Variants in PKD1L1 observed in about 807,000 individuals in gnomAD.
PKD1L1 encodes polycystin 1 like 1, transient receptor potential channel interacting, also known as polycystin-1-like protein 1.
PKD1L1 carries 236 observed loss-of-function variants against 323.4 expected under a neutral mutation model. The observed-to-expected ratio is 0.73, with a 90% confidence interval of 0.66 to 0.81. The LOEUF (loss-of-function observed/expected upper bound fraction) is 0.81, where lower values mean the gene tolerates loss of function less well. Ranked by LOEUF, PKD1L1 falls within the 40% of genes least tolerant of loss-of-function variation. The pLI is 0.00. For missense variants in PKD1L1, 3,320 were observed against 3,508.0 expected (o/e 0.95, Z 1.35); for synonymous variants, 1,344 against 1,335.0 (o/e 1.01, Z -0.15).
rs567096863 is a variant in PKD1L1 at position 47,807,074 on chromosome 7, T to C, written c.7827+1173A>G. Among the ~76,000 whole-genome samples the C allele has an allele frequency of 2.6e-5, 4 of 152,192 alleles. No individual in the cohort carries two copies. The South Asian group carries it at 6.2e-4, about 24-fold the overall frequency. On this transcript the variant is annotated intron_variant, in intron 52 of 56. Transcript: ENST00000289672. ...CTGAGGTGGGGGCACTGGCTCACCA[T>C]GCAGCCCAGGCTTCTGCTGTCCCTG... is the stretch of plus-strand genomic sequence containing the variant.
At chr7:47,905,076 C>T (rs951350204) in intron 11 of PKD1L1, 81 bp downstream of exon 11, 54 of 1,474,936 alleles carry the variant, frequency 3.7e-5, no homozygotes, top group Admixed American at 2.8e-4. Flanking sequence ...AAAATGCCTT[C>T]GGTAGCAGCA....
Position 47,931,999 on chromosome 7 carries a change from C to G in PKD1L1, c.456G>C (p.Arg152Ser). 3.7e-6 allele frequency: 6 copies of G among 1,614,098 alleles called. No homozygotes were observed. Among genetic ancestry groups the G allele is most frequent in the Non-Finnish European group, 5.1e-6 (6 of 1,179,972 alleles). ...TAGCACACAGCCGCCTGTGATGGAACCTGGGGCCACCACTGCTCCAGGCCC... is the reference window on the plus strand; with the variant it reads ...TAGCACACAGCCGCCTGTGATGGAAGCTGGGGCCACCACTGCTCCAGGCCC... ...IARAWSSGGPRFHHRRLCATG... is the reference protein window; with the variant it reads ...IARAWSSGGPSFHHRRLCATG... The change falls in exon 5 of 57, where the codon AGG becomes AGC. Residue 152 changes from arginine to serine, a missense_variant. Transcript: ENST00000289672.
intron 47 of PKD1L1, among the ~76,000 whole-genome samples, chr7:47,815,125 A>T (rs766269886): frequency 1.4e-4 from 22 of 152,172 alleles, no homozygotes; most frequent in Middle Eastern, 3.2e-3. Context: ...CGTGCAGCTC[A>T]GCAGGGTGTA....
chr7:47,932,025 T>C lies in PKD1L1; in HGVS notation c.430A>G (p.Arg144Gly). 6.2e-7 allele frequency: 1 copy of C among 1,612,488 alleles called. No individual in the cohort carries two copies. Among genetic ancestry groups the C allele is most frequent in the East Asian group, 2.2e-5 (1 of 44,790 alleles). The change falls in exon 5 of 57, where the codon AGG becomes GGG. Residue 144 changes from arginine (R) to glycine (G), a missense_variant. By Grantham distance (125) the Arg-to-Gly change is moderately radical. Coordinates refer to ENST00000289672, the MANE Select transcript of PKD1L1 (RefSeq NM_138295.5). ...IPHKPFIIIA[R>G]AWSSGGPRFH... Reference sequence around the variant, plus strand: ...CTGGGGCCACCACTGCTCCAGGCCCTTGCGATTATAATGAAAGGTTTGTGG... The same window carrying C: ...CTGGGGCCACCACTGCTCCAGGCCCCTGCGATTATAATGAAAGGTTTGTGG...
At chr7:47,894,287 T>C (rs1395188959) in intron 14 of PKD1L1, among the ~76,000 whole-genome samples, 1 of 152,198 alleles carries the variant, frequency 6.6e-6, no homozygotes, top group Non-Finnish European at 1.5e-5. Flanking sequence ...CTTGTGTTAA[T>C]GTACAAATTT....
In PKD1L1 at chr7:47,853,377, T is replaced by A. The variant is rs17131855; in HGVS notation, c.4860-150A>T. On this transcript the variant is annotated intron_variant, in intron 30 of 56. Coordinates refer to ENST00000289672, the MANE Select transcript of PKD1L1 (RefSeq NM_138295.5). ...CTGGGACTAAAAAGGGTCAATGTGCTTAATTCCACAACACCACCTGGTCTC... is the reference window on the plus strand; with the variant it reads ...CTGGGACTAAAAAGGGTCAATGTGCATAATTCCACAACACCACCTGGTCTC... The A allele has an allele frequency of 0.13, 82,514 of 622,824 alleles. 7,421 individuals carry two copies. Among genetic ancestry groups the A allele is most frequent in the African/African-American group, 0.35 (19,011 of 54,000 alleles). The allele number at this position is 622,824 out of a possible 1,614,324, so 38.6% of individuals were successfully genotyped here. A position where few individuals can be genotyped will look rare whatever the true frequency, so the allele number is the denominator to read the frequency against.
intron 40 of PKD1L1, 57 bp downstream of exon 40, chr7:47,834,282 C>T: frequency 6.4e-7 from 1 of 1,556,172 alleles, no homozygotes; most frequent in Middle Eastern, 1.7e-4. Context: ...CCAGAGAAAT[C>T]TAATTGTTTG....
At chr7:47,831,033 C>T (rs1294963415) in intron 42 of PKD1L1, among the ~76,000 whole-genome samples, 184 bp downstream of exon 42, 2 of 152,278 alleles carry the variant, frequency 1.3e-5, no homozygotes, top group South Asian at 4.1e-4. Flanking sequence ...GCCAAGCCAC[C>T]CTTTGGGATC....
rs370350558 is a variant in PKD1L1 at position 47,845,087 on chromosome 7, G to A, written c.5154-9C>T. 5.8e-5 allele frequency: 93 copies of A among 1,611,156 alleles called. No individual in the cohort carries two copies. The highest frequency in any genetic ancestry group is 7.6e-5 in the Non-Finnish European group (89 of 1,178,172). ...CCGCGAGGCGATGGTAGCTAGGAGG[G>A]AAATGCGGATGAGGATACAGAATGT... On this transcript the variant is annotated splice_polypyrimidine_tract_variant and intron_variant, in intron 32 of 56. Coordinates refer to ENST00000289672, the MANE Select transcript of PKD1L1 (RefSeq NM_138295.5).
chr7:47,898,929 T>A (rs1048310599), intron 13 of PKD1L1, among the ~76,000 whole-genome samples: 4 of 151,150 alleles, frequency 2.6e-5, no homozygotes, highest in East Asian at 1.9e-4. Context: ...GAGAAAAAAA[T>A]TTTCTTATCA....
intron 26 of PKD1L1, 98 bp downstream of exon 26, chr7:47,865,118 C>T: frequency 2.4e-6 from 2 of 835,002 alleles, no homozygotes; most frequent in East Asian, 5.3e-5. Context: ...ATCTAAGTGT[C>T]AAACTATGAT....
chr7:47,948,270 G>A, intron 1 of PKD1L1, 127 bp downstream of exon 1: 1 of 1,099,066 alleles, frequency 9.1e-7, no homozygotes, highest in Admixed American at 1.8e-5. Context: ...GCACCCTCCT[G>A]GTACAGGGCC....
chr7:47,906,353 A>G (rs549634284), intron 9 of PKD1L1, among the ~76,000 whole-genome samples: 6 of 152,234 alleles, frequency 3.9e-5, no homozygotes, highest in Non-Finnish European at 2.9e-5. Context: ...TAAGTCCTAT[A>G]AGATGTAATG....
At chr7:47,872,523 A>G (rs551887776) in intron 24 of PKD1L1, among the ~76,000 whole-genome samples, 1 of 152,366 alleles carries the variant, frequency 6.6e-6, no homozygotes, top group East Asian at 1.9e-4. Flanking sequence ...CAGATAACCT[A>G]CATAAAAATG....
chr7:47,903,782 T>C (rs1787141923), intron 12 of PKD1L1, among the ~76,000 whole-genome samples: 1 of 152,196 alleles, frequency 6.6e-6, no homozygotes, highest in African/African-American at 2.4e-5. Flanking sequence ...TTAGATCCAC[T>C]TGGGTCCTAG....
In PKD1L1 at chr7:47,812,103, A is replaced by C. The variant is rs1019133794; in HGVS notation, c.7347-52T>G. Reference sequence around the variant, plus strand: ...GGCAGGGCAGGGAGAAAGGCACAGAAGTCTACTGAGGCTCCCAGCTGCAGG... The same window carrying C: ...GGCAGGGCAGGGAGAAAGGCACAGACGTCTACTGAGGCTCCCAGCTGCAGG... On this transcript the variant is annotated intron_variant, in intron 49 of 56. Coordinates refer to ENST00000289672, the MANE Select transcript of PKD1L1 (RefSeq NM_138295.5). The C allele has an allele frequency of 1.5e-5, 22 of 1,451,312 alleles. No individual in the cohort carries two copies. In the Admixed American group the frequency reaches 2.0e-4, roughly 13 times the overall value. 89.9% of individuals were successfully genotyped at this position (1,451,312 alleles called of 1,614,324 possible).
chr7:47,827,545 A>G, intron 44 of PKD1L1, 77 bp from the exon 45 acceptor site: 1 of 1,258,098 alleles, frequency 7.9e-7, no homozygotes, highest in Non-Finnish European at 1.1e-6. Context: ...CTGCCAAGCC[A>G]AGGAATGTGT....
intron 21 of PKD1L1, among the ~76,000 whole-genome samples, chr7:47,878,973 C>T (rs1391425826): frequency 6.6e-6 from 1 of 152,224 alleles, no homozygotes; most frequent in Admixed American, 6.5e-5. Flanking sequence ...GCTAAGAGAA[C>T]TGTCTTTAGA....
chr7:47,952,217 A>C (rs1223670997), upstream of PKD1L1, among the ~76,000 whole-genome samples: 1 of 152,254 alleles, frequency 6.6e-6, no homozygotes, highest in Non-Finnish European at 1.5e-5. Context: ...AAAATTGATA[A>C]GATCTTGGTA....
Sources: allele counts gnomAD v4.1 joint callset (sites outside exome capture counted in the v4.1 genomes callset), GRCh38; gene constraint gnomAD v4.1.1; transcripts MANE v1.5; gene names NCBI Gene and HGNC (gene_info 2026-07-23, HGNC 2026-07-21).